The following RASGRP3 variants were observed in gnomAD, a reference collection of about 807,000 sequenced individuals.
RASGRP3 encodes RAS guanyl releasing protein 3, also known as ras guanyl-releasing protein 3.
In RASGRP3, 54 loss-of-function variants were observed where a neutral mutation model predicts 82.7. The observed-to-expected ratio is 0.65, with a 90% CI of 0.52 to 0.82. The LOEUF is 0.82. Among genes scored for constraint, RASGRP3 ranks in the 40% least tolerant of loss-of-function variants. The pLI, the probability that RASGRP3 is intolerant of heterozygous loss-of-function variation, is 0.00. For synonymous variants in RASGRP3, 309 were observed against 300.5 expected (o/e 1.03, Z -0.29); for missense variants, 861 against 828.9 (o/e 1.04, Z -0.48).
intron 15 of RASGRP3, among the ~76,000 whole-genome samples, chr2:33,557,506 G>C (rs1324499405): frequency 6.6e-6 from 1 of 152,054 alleles, no homozygotes; most frequent in Non-Finnish European, 1.5e-5. Flanking sequence ...TCAGGAGATC[G>C]AGACCATCCT....
intron 12 of RASGRP3, 97 bp downstream of exon 12, chr2:33,539,307 A>G (rs1211880282): frequency 1.0e-6 from 1 of 996,952 alleles, no homozygotes; most frequent in Non-Finnish European, 1.5e-6. Flanking sequence ...GAACCCCTGA[A>G]AACAACCCTC....
intron 1 of RASGRP3, chr2:33,447,690 C>T (rs1356517371): frequency 1.3e-5 from 2 of 152,144 alleles, no homozygotes; most frequent in African/African-American, 4.8e-5. Context: ...CTCTCAAAGT[C>T]CTGGGATTAC....
At position 33,453,500 on chromosome 2, in the gene RASGRP3, C is replaced by T. The variant is rs1665899826; in HGVS notation, c.-261+5557C>T. On this transcript the variant is annotated intron_variant, in intron 2 of 18. Transcript: ENST00000402538. ...CTGGCTGTTAGCTGAGACTTCAGTTCCTTTCTTCGTGGACTTCTCCATGGG... is the reference window on the plus strand; with the variant it reads ...CTGGCTGTTAGCTGAGACTTCAGTTTCTTTCTTCGTGGACTTCTCCATGGG... Among the ~76,000 whole-genome samples the T allele has an allele frequency of 3.9e-5, 6 of 152,150 alleles. No individual in the cohort carries two copies. The South Asian group carries it at 1.2e-3, about 32-fold the overall frequency.
chr2:33,477,905 G>T (rs1195101839), intron 1 of RASGRP3, among the ~76,000 whole-genome samples: 3 of 152,170 alleles, frequency 2.0e-5, no homozygotes, highest in Admixed American at 6.5e-5. Flanking sequence ...TAGTTGTTTT[G>T]CTTGTGATAA....
chr2:33,531,704 T>A (rs1332703879), intron 10 of RASGRP3: 1 of 152,220 alleles, frequency 6.6e-6, no homozygotes, highest in Admixed American at 6.5e-5. Context: ...GAGTGAGTAT[T>A]TGGAGACTAC....
At chr2:33,538,857 G>A (rs1673929955) in intron 11 of RASGRP3, among the ~76,000 whole-genome samples, 1 of 151,892 alleles carries the variant, frequency 6.6e-6, no homozygotes, top group South Asian at 2.1e-4. Flanking sequence ...TGTGCAACAT[G>A]GTGAAACCCC....
chr2:33,447,107 A>G (rs1186934280), intron 1 of RASGRP3, among the ~76,000 whole-genome samples: 2 of 145,710 alleles, frequency 1.4e-5, no homozygotes, highest in Admixed American at 6.8e-5. Flanking sequence ...CTCCGTCTCA[A>G]AAAAAAAAAA....
At chr2:33,448,082 T>A (rs1665594037) in intron 2 of RASGRP3, 2 of 152,224 alleles carry the variant, frequency 1.3e-5, no homozygotes, top group African/African-American at 4.8e-5. Flanking sequence ...GAACAACATT[T>A]TTGTTCTTCC....
chr2:33,512,160 T>C (rs1236387519), intron 2 of RASGRP3, among the ~76,000 whole-genome samples: 1 of 152,146 alleles, frequency 6.6e-6, no homozygotes, highest in Non-Finnish European at 1.5e-5. Flanking sequence ...CAGAAACAGA[T>C]TGTAACCTGA....
chr2:33,470,687 T>C (rs537437636), intron 2 of RASGRP3, among the ~76,000 whole-genome samples: 2 of 152,244 alleles, frequency 1.3e-5, no homozygotes, highest in East Asian at 3.9e-4. Context: ...CCAAGAATTA[T>C]TTTCTATTAT....
intron 7 of RASGRP3, among the ~76,000 whole-genome samples, chr2:33,522,958 T>C (rs41332550): frequency 0.069 from 10,529 of 152,288 alleles, 605 homozygotes; most frequent in Non-Finnish European, 0.1. Flanking sequence ...AAAGCTCTTA[T>C]GTATTTTTTG....
At chr2:33,484,095 G>C (rs1240480524) in intron 1 of RASGRP3, among the ~76,000 whole-genome samples, 1 of 152,160 alleles carries the variant, frequency 6.6e-6, no homozygotes, top group Non-Finnish European at 1.5e-5. Context: ...AAATTTGGCT[G>C]AACCAAGTTT....
chr2:33,519,033 C>A (rs1671742182), intron 4 of RASGRP3, among the ~76,000 whole-genome samples: 2 of 152,188 alleles, frequency 1.3e-5, no homozygotes, highest in Non-Finnish European at 1.5e-5. Flanking sequence ...CAATAACAGT[C>A]ATTTATTCTC....
intron 1 of RASGRP3, among the ~76,000 whole-genome samples, chr2:33,445,264 C>T (rs1017830325): frequency 6.6e-6 from 1 of 152,210 alleles, no homozygotes; most frequent in South Asian, 2.1e-4. Flanking sequence ...ATGGCCCCAC[C>T]AATGGCAGAG....
At chr2:33,503,602 T>C (rs1197033573) in intron 1 of RASGRP3, among the ~76,000 whole-genome samples, 1 of 152,062 alleles carries the variant, frequency 6.6e-6, no homozygotes, top group African/African-American at 2.4e-5. Flanking sequence ...CTTTTTTTTT[T>C]GGTTCCTGTA....
intron 15 of RASGRP3, 38 bp downstream of exon 15, chr2:33,555,605 G>A (rs1675864141): frequency 5.4e-6 from 8 of 1,485,874 alleles, no homozygotes; most frequent in East Asian, 2.3e-5. Context: ...TTTAAAATGT[G>A]ACATTTTGGG....
chr2:33,456,085 C>T (rs1054041979), intron 2 of RASGRP3, among the ~76,000 whole-genome samples: 1 of 152,162 alleles, frequency 6.6e-6, no homozygotes, highest in Non-Finnish European at 1.5e-5. Flanking sequence ...ACCAAAGTTA[C>T]TTTCCTTTGT....
chr2:33,469,661 A>G (rs1478346981), intron 2 of RASGRP3, among the ~76,000 whole-genome samples: 2 of 152,006 alleles, frequency 1.3e-5, no homozygotes, highest in African/African-American at 4.8e-5. Context: ...GGGTTTCACC[A>G]TGTTGCCCAG....
At chr2:33,506,158 C>T (rs1394117915) in intron 1 of RASGRP3, among the ~76,000 whole-genome samples, 1 of 152,218 alleles carries the variant, frequency 6.6e-6, no homozygotes, top group Non-Finnish European at 1.5e-5. Context: ...AGTTGCCAAG[C>T]TTGCTGTAAT....
Sources: allele counts gnomAD v4.1 joint callset (sites outside exome capture counted in the v4.1 genomes callset), GRCh38; gene constraint gnomAD v4.1.1; transcripts MANE v1.5; gene names NCBI Gene and HGNC (gene_info 2026-07-23, HGNC 2026-07-21).